AKT3: variants seen among roughly 807,000 people sequenced by gnomAD.
AKT3 encodes RAC-gamma serine/threonine-protein kinase.
AKT3 carries 15 observed loss-of-function variants against 65.3 expected under a neutral mutation model. The ratio of observed to expected loss-of-function variants is 0.23; its 90% CI spans 0.15 to 0.35. AKT3 has a LOEUF of 0.35. Ranked by LOEUF, AKT3 falls within the 10% of genes least tolerant of loss-of-function variation. AKT3 has a pLI of 1.00. For synonymous variants in AKT3, 206 were observed against 183.8 expected (o/e 1.12, Z -0.98); for missense variants, 243 against 576.5 (o/e 0.42, Z 5.92).
At chr1:243,665,277 C>T (rs1682686271) in intron 3 of AKT3, among the ~76,000 whole-genome samples, 1 of 152,186 alleles carries the variant, frequency 6.6e-6, no homozygotes, top group African/African-American at 2.4e-5. Context: ...ATGAAACCTT[C>T]CATAACACCT....
chr1:243,608,015 A>G (rs1402076172), intron 8 of AKT3, among the ~76,000 whole-genome samples: 2 of 152,202 alleles, frequency 1.3e-5, no homozygotes, highest in South Asian at 2.1e-4. Context: ...CTGTGAGTCA[A>G]TTAAACCTCT....
chr1:243,590,912 A>G (rs1045275468), intron 8 of AKT3, among the ~76,000 whole-genome samples: 2 of 152,202 alleles, frequency 1.3e-5, no homozygotes, highest in African/African-American at 2.4e-5. Context: ...CCCAGGAGAA[A>G]AGGGAAATGA....
intron 4 of AKT3, among the ~76,000 whole-genome samples, chr1:243,663,623 C>G (rs1228471406): frequency 1.3e-5 from 2 of 152,124 alleles, no homozygotes. Flanking sequence ...ATTTCTTAAT[C>G]AATCATACAT....
intron 2 of AKT3, among the ~76,000 whole-genome samples, chr1:243,729,044 G>A (rs1369938576): frequency 1.3e-5 from 2 of 152,154 alleles, no homozygotes; most frequent in African/African-American, 4.8e-5. Flanking sequence ...TGGAGAAAAA[G>A]AAAGAGAAAA....
In AKT3 at chr1:243,529,148, CTTTT is replaced by C. The variant is rs1057499486; in HGVS notation, c.1251+16358_1251+16361del. On this transcript the variant is annotated intron_variant, in intron 12 of 13. Transcript: ENST00000673466. ...GTCCCTTGCCCACTTTGTAATGGAG[CTTTT>C]TTTTTTTTTTTTGTAAATTTGTTTA... Among the ~76,000 whole-genome samples, 8 of 128,274 alleles carry C rather than the reference CTTTT, an allele frequency of 6.2e-5. No individual in the cohort carries two copies. In the East Asian group the frequency reaches 1.4e-3, roughly 22 times the overall value. 84.2% of individuals were successfully genotyped at this position (128,274 alleles called of 152,430 possible).
chr1:243,611,542 G>A (rs1194239909), intron 8 of AKT3, among the ~76,000 whole-genome samples: 2 of 152,138 alleles, frequency 1.3e-5, no homozygotes, highest in Non-Finnish European at 2.9e-5. Context: ...AAATTAGCCA[G>A]GCATGGTGAT....
chr1:243,499,266 A>C (rs1179894154), downstream of AKT3, among the ~76,000 whole-genome samples: 2 of 152,228 alleles, frequency 1.3e-5, no homozygotes, highest in Non-Finnish European at 1.5e-5. Context: ...ACTTTTTCAT[A>C]GGTTACAATA....
At chr1:243,723,299 T>C (rs988202832) in intron 2 of AKT3, among the ~76,000 whole-genome samples, 12 of 152,186 alleles carry the variant, frequency 7.9e-5, no homozygotes, top group Non-Finnish European at 7.3e-5. Flanking sequence ...TGCCTGTCAC[T>C]ATTCAGAAAA....
intron 6 of AKT3, among the ~76,000 whole-genome samples, chr1:243,629,237 T>A (rs545957498): frequency 6.6e-6 from 1 of 152,014 alleles, no homozygotes; most frequent in East Asian, 1.9e-4. Flanking sequence ...GTTTGCACCA[T>A]TGCATTCCAG....
intron 2 of AKT3, among the ~76,000 whole-genome samples, chr1:243,708,103 T>G (rs1421724126): frequency 6.6e-6 from 1 of 152,040 alleles, no homozygotes; most frequent in East Asian, 1.9e-4. Flanking sequence ...ATCTTAACTT[T>G]TCCAGGTAAT....
At chr1:243,693,379 A>G (rs1973284) in intron 3 of AKT3, among the ~76,000 whole-genome samples, 77,238 of 147,058 alleles carry the variant, frequency 0.53, 23,623 homozygotes, top group Non-Finnish European at 0.69. Flanking sequence ...AGGAAAAAGC[A>G]ATGGTGAAGT....
At chr1:243,793,501 A>G (rs1164950391) in intron 2 of AKT3, 1 of 152,260 alleles carries the variant, frequency 6.6e-6, no homozygotes. Context: ...AGCTGGGCAC[A>G]GTAGCTCACA....
chr1:243,559,991 G>A (rs1206715031), intron 10 of AKT3, among the ~76,000 whole-genome samples: 1 of 152,084 alleles, frequency 6.6e-6, no homozygotes, highest in East Asian at 1.9e-4. Flanking sequence ...ATGTAAATCT[G>A]ATCACAGTAT....
At chr1:243,632,942 T>C (rs1377940574) in intron 6 of AKT3, among the ~76,000 whole-genome samples, 2 of 152,218 alleles carry the variant, frequency 1.3e-5, no homozygotes, top group African/African-American at 4.8e-5. Flanking sequence ...CTTAAGGGAA[T>C]GTTGCAGCTG....
intron 12 of AKT3, among the ~76,000 whole-genome samples, chr1:243,532,053 C>A (rs1671569879): frequency 6.6e-6 from 1 of 152,122 alleles, no homozygotes; most frequent in African/African-American, 2.4e-5. Flanking sequence ...GATCATGTCA[C>A]CTATTAGTAG....
chr1:243,784,653 G>A (rs1691131615), intron 2 of AKT3, among the ~76,000 whole-genome samples: 1 of 152,168 alleles, frequency 6.6e-6, no homozygotes, highest in South Asian at 2.1e-4. Flanking sequence ...GATACTGCCA[G>A]GTCTCCAGGC....
chr1:243,765,913 G>C (rs972004498), intron 2 of AKT3, among the ~76,000 whole-genome samples: 2 of 152,078 alleles, frequency 1.3e-5, no homozygotes, highest in African/African-American at 4.8e-5. Flanking sequence ...CACAGAAAAG[G>C]GCACCTGTGA....
chr1:243,642,693 T>A (rs754034207), intron 5 of AKT3, among the ~76,000 whole-genome samples: 1 of 152,204 alleles, frequency 6.6e-6, no homozygotes, highest in Non-Finnish European at 1.5e-5. Flanking sequence ...TAAGAATTTA[T>A]TGGGGAAATA....
rs937528426 is a variant in AKT3, at chr1:243,503,925, C to G, written c.*1324G>C. ...CCAGGTCATCATAACGTTTCAAATT[C>G]TTAAATGAGCAAACGTCAACAGCTA... On this transcript the variant is annotated 3_prime_UTR_variant, in exon 14 of 14. Coordinates refer to ENST00000673466, the MANE Select transcript of AKT3 (RefSeq NM_005465.7). The G allele has an allele frequency of 1.6e-4, 36 of 226,322 alleles. No homozygotes were observed. The highest frequency in any genetic ancestry group is 7.3e-4 in the African/African-American group (33 of 45,098). 14.0% of individuals were successfully genotyped at this position (226,322 alleles called of 1,614,324 possible).
Sources: allele counts gnomAD v4.1 joint callset (sites outside exome capture counted in the v4.1 genomes callset), GRCh38; gene constraint gnomAD v4.1.1; transcripts MANE v1.5; gene names NCBI Gene and HGNC (gene_info 2026-07-23, HGNC 2026-07-21).